ATAD2B: variants seen among roughly 807,000 people sequenced by gnomAD.
ATAD2B encodes ATPase family AAA domain containing 2B, also known as ATPase family AAA domain-containing protein 2B.
ATAD2B carries 40 observed loss-of-function variants against 167.6 expected under a neutral mutation model. That is an observed-to-expected ratio of 0.24 (90% CI 0.19 to 0.31). The LOEUF (loss-of-function observed/expected upper bound fraction) is 0.31, where lower values mean the gene tolerates loss of function less well. ATAD2B is among the 10% of genes least tolerant of loss of function. The pLI, the probability that ATAD2B is intolerant of heterozygous loss-of-function variation, is 1.00. For missense variants in ATAD2B, 1,242 were observed against 1,757.2 expected (o/e 0.71, Z 5.24); for synonymous variants, 579 against 596.5 (o/e 0.97, Z 0.43).
chr2:23,881,824 G>A (rs1217681160), intron 6 of ATAD2B, among the ~76,000 whole-genome samples: 1 of 148,878 alleles, frequency 6.7e-6, no homozygotes, highest in Non-Finnish European at 1.5e-5. Flanking sequence ...CCCAGGCTCA[G>A]GCGATTCGCC....
At chr2:23,785,182 C>A (rs1301487929) in intron 21 of ATAD2B, among the ~76,000 whole-genome samples, 3 of 151,916 alleles carry the variant, frequency 2.0e-5, no homozygotes, top group Non-Finnish European at 4.4e-5. Flanking sequence ...TGCTCAGGTC[C>A]AAAAGCACAG....
intron 22 of ATAD2B, among the ~76,000 whole-genome samples, chr2:23,779,279 T>G (rs1259644189): frequency 6.0e-5 from 9 of 150,414 alleles, no homozygotes; most frequent in African/African-American, 2.0e-4. Context: ...GGGTTCATGC[T>G]ATTCCCCTGC....
chr2:23,843,564 C>T (rs574993855), intron 13 of ATAD2B, among the ~76,000 whole-genome samples: 1 of 152,264 alleles, frequency 6.6e-6, no homozygotes, highest in Non-Finnish European at 1.5e-5. Context: ...GCGGAAGAGT[C>T]GGAGTTGAGA....
At chr2:23,698,419 C>CT in the ATAD2B span, among the ~76,000 whole-genome samples, 1 of 152,136 alleles carries the variant, frequency 6.6e-6, no homozygotes, top group East Asian at 1.9e-4. Flanking sequence ...AGGTTGCTTT[C>CT]TGTGGCACAC....
chr2:23,888,092 A>G (rs554719882), intron 3 of ATAD2B, 107 bp from the exon 4 acceptor site: 1 of 948,824 alleles, frequency 1.1e-6, no homozygotes, highest in Non-Finnish European at 1.5e-6. Flanking sequence ...AATTTAATAT[A>G]ACTTTTTAAA....
At chr2:23,911,604 G>A (rs1468183436) in intron 1 of ATAD2B, among the ~76,000 whole-genome samples, 1 of 151,340 alleles carries the variant, frequency 6.6e-6, no homozygotes, top group African/African-American at 2.4e-5. Flanking sequence ...AGAGGAAGGG[G>A]ACGGGGAGGG....
At chr2:23,736,368 T>C in the ATAD2B span, among the ~76,000 whole-genome samples, 2 of 152,044 alleles carry the variant, frequency 1.3e-5, no homozygotes, top group African/African-American at 2.4e-5. Context: ...TAGGAGCAGA[T>C]AGCAAGGAAT....
chr2:23,827,343 G>A (rs1260983177), intron 15 of ATAD2B, among the ~76,000 whole-genome samples: 1 of 152,186 alleles, frequency 6.6e-6, no homozygotes, highest in African/African-American at 2.4e-5. Flanking sequence ...TGGGAAAAAT[G>A]AGAAGTATTG....
At chr2:23,711,526 C>A in the ATAD2B span, among the ~76,000 whole-genome samples, 1 of 151,746 alleles carries the variant, frequency 6.6e-6, no homozygotes, top group Non-Finnish European at 1.5e-5. Context: ...CCTGCCACCA[C>A]GTCCAGCTAA....
intron 18 of ATAD2B, among the ~76,000 whole-genome samples, chr2:23,805,385 AT>A (rs750733329): frequency 3.3e-5 from 5 of 152,130 alleles, no homozygotes; most frequent in Non-Finnish European, 5.9e-5. Context: ...TGTCACCTGC[AT>A]TTTTCAGCCC....
intron 27 of ATAD2B, 47 bp from the exon 28 acceptor site, chr2:23,752,134 A>C (rs1648357586): frequency 1.5e-6 from 2 of 1,336,212 alleles, no homozygotes; most frequent in Non-Finnish European, 2.1e-6. Flanking sequence ...GGAAAGACAA[A>C]AGTGTTCCTC....
chr2:23,863,641 A>G, intron 11 of ATAD2B, 86 bp from the exon 12 acceptor site: 2 of 1,198,852 alleles, frequency 1.7e-6, no homozygotes, highest in Non-Finnish European at 2.3e-6. Context: ...CCCCTTCCAT[A>G]TAATTTTGTA....
chr2:23,681,333 C>A, the ATAD2B span, among the ~76,000 whole-genome samples: 1 of 152,230 alleles, frequency 6.6e-6, no homozygotes, highest in Non-Finnish European at 1.5e-5. The surrounding 1 kb of genome is among the most constrained non-coding windows in gnomAD (Gnocchi z 4.2). Context: ...GAGCAGAAAG[C>A]ACCTACATTA....
chr2:23,884,204 A>G lies in ATAD2B; in HGVS notation c.784+561T>C, dbSNP rs558017684. 2.8e-4 allele frequency among the ~76,000 whole-genome samples: 43 copies of G among 152,248 alleles called. No individual in the cohort carries two copies. In the South Asian group the frequency reaches 8.5e-3, roughly 30 times the overall value. ...CTATAGGTGTACTGTTCATCAATTT[A>G]TAATTCATGGGGCCAATGTGCTGCT... On this transcript the variant is annotated intron_variant, in intron 6 of 27. Transcript: ENST00000238789.
At chr2:23,774,017 T>G (rs960134401) in intron 22 of ATAD2B, among the ~76,000 whole-genome samples, 8 of 152,208 alleles carry the variant, frequency 5.3e-5, no homozygotes, top group African/African-American at 1.7e-4. Flanking sequence ...ATTGGTAAAC[T>G]TTTACTTTTA....
intron 15 of ATAD2B, 33 bp from the exon 16 acceptor site, chr2:23,823,602 A>G (rs929897585): frequency 3.8e-6 from 6 of 1,575,154 alleles, no homozygotes; most frequent in Non-Finnish European, 5.2e-6. Flanking sequence ...TAGCAAAGGT[A>G]CATTCATTAT....
intron 21 of ATAD2B, among the ~76,000 whole-genome samples, chr2:23,783,974 TAGGA>T (rs1190193780): frequency 6.6e-6 from 1 of 152,028 alleles, no homozygotes; most frequent in Non-Finnish European, 1.5e-5. Context: ...TTTTAATGTT[TAGGA>T]TTACTTATAA....
At chr2:23,866,225 G>A (rs1241802960) in intron 10 of ATAD2B, among the ~76,000 whole-genome samples, 1 of 152,114 alleles carries the variant, frequency 6.6e-6, no homozygotes, top group East Asian at 1.9e-4. Context: ...GACCAACATG[G>A]AAAAATCCCG....
At chr2:23,696,215 A>C in the ATAD2B span, 2 of 1,491,848 alleles carry the variant, frequency 1.3e-6, no homozygotes, top group Non-Finnish European at 9.1e-7. The surrounding 1 kb of genome is among the most constrained non-coding windows in gnomAD (Gnocchi z 5.5). Context: ...GAGGAAGGCC[A>C]TGGCCCAGAA....
Sources: gnomAD v4.1 joint callset for allele counts (sites outside exome capture counted in the v4.1 genomes callset) on GRCh38, gnomAD v4.1.1 for gene constraint, Gnocchi (gnomAD v3.1) non-coding constraint, MANE v1.5 for transcripts, NCBI Gene and HGNC (gene_info 2026-07-23, HGNC 2026-07-21) for gene names.